The following CRYGS variants were observed in gnomAD, a reference collection of about 807,000 sequenced individuals.
The protein encoded by CRYGS is crystallin gamma S, also known as gamma-crystallin S.
Under a neutral mutation model 21.3 loss-of-function variants are expected in CRYGS, and 13 were observed. That is an observed-to-expected ratio of 0.61 (90% CI 0.40 to 0.97). The LOEUF (loss-of-function observed/expected upper bound fraction) is 0.97. Ranked by LOEUF, CRYGS falls within the 50% of genes least tolerant of loss-of-function variation. The probability of loss-of-function intolerance (pLI) is 0.00; values close to 1 mark genes in which losing one functional copy is unlikely to be tolerated. For missense variants in CRYGS, 205 were observed against 229.7 expected (o/e 0.89, Z 0.69); for synonymous variants, 67 against 75.0 (o/e 0.89, Z 0.55).
chr3:186,541,755 A>G (rs754421429), intron 1 of CRYGS, among the ~76,000 whole-genome samples: 3 of 152,244 alleles, frequency 2.0e-5, no homozygotes, highest in Non-Finnish European at 4.4e-5. Context: ...GGTGGGCTGC[A>G]GTGCAAAACT....
At chr3:186,539,002 A>G in intron 2 of CRYGS, 34 bp from the exon 3 acceptor site, 1 of 1,611,480 alleles carries the variant, frequency 6.2e-7, no homozygotes, top group Non-Finnish European at 8.5e-7. Flanking sequence ...AACAGAAACC[A>G]TTATGGAAAT....
chr3:186,542,191 C>T (rs1277521081), intron 1 of CRYGS, among the ~76,000 whole-genome samples: 2 of 152,220 alleles, frequency 1.3e-5, no homozygotes, highest in Non-Finnish European at 2.9e-5. Context: ...TGTCCACCCT[C>T]CCAGGAGACC....
intron 1 of CRYGS, chr3:186,540,422 A>C (rs977405517): frequency 6.6e-5 from 10 of 152,226 alleles, no homozygotes; most frequent in African/African-American, 2.2e-4. Context: ...GCAGACTGGA[A>C]GTTCTGGCTT....
intron 1 of CRYGS, chr3:186,540,797 G>C: frequency 3.6e-5 from 26 of 717,236 alleles, no homozygotes; most frequent in Non-Finnish European, 4.4e-5. Context: ...TTTGAGCTGA[G>C]CATTGAAGGA....
In CRYGS at chr3:186,538,515, G is replaced by A. The variant is rs747124187; in HGVS notation, c.*181C>T. ...TCTAGATTGGTGATCTGGCAGATGG[G>A]TAGCTTTGTGTGACTGCCCACTGTG... On this transcript the variant is annotated 3_prime_UTR_variant, in exon 3 of 3. Transcript: ENST00000307944. 25 of 690,420 alleles carry A rather than the reference G, an allele frequency of 3.6e-5. No homozygotes were observed. The highest frequency in any genetic ancestry group is 9.0e-5 in the African/African-American group (5 of 55,744). The allele number at this position is 690,420 out of a possible 1,614,324, so 42.8% of individuals were successfully genotyped here. A position where few individuals can be genotyped will look rare whatever the true frequency, so the allele number is the denominator to read the frequency against.
At chr3:186,543,542 C>T (rs1253041845) in intron 1 of CRYGS, among the ~76,000 whole-genome samples, 3 of 152,064 alleles carry the variant, frequency 2.0e-5, no homozygotes, top group Non-Finnish European at 4.4e-5. Context: ...CCAAATATGG[C>T]AAAATGTCAA....
chr3:186,542,425 G>A (rs1466230353), intron 1 of CRYGS, among the ~76,000 whole-genome samples: 1 of 152,152 alleles, frequency 6.6e-6, no homozygotes, highest in East Asian at 1.9e-4. Context: ...TTGTAGAGAA[G>A]GCTAAAGAAA....
At chr3:186,543,471 A>G (rs912223914) in intron 1 of CRYGS, among the ~76,000 whole-genome samples, 9 of 152,230 alleles carry the variant, frequency 5.9e-5, no homozygotes, top group African/African-American at 2.2e-4. Flanking sequence ...AGGCAAAAGT[A>G]TAATAAAATC....
At chr3:186,540,942 TAGAA>T (rs1282304807) in intron 1 of CRYGS, 1 of 152,406 alleles carries the variant, frequency 6.6e-6, no homozygotes, top group Non-Finnish European at 1.5e-5. Context: ...GGTGAAGTAC[TAGAA>T]AATAAAGCCA....
chr3:186,538,608 T>C lies in CRYGS; in HGVS notation c.*88A>G, dbSNP rs1713980959. On this transcript the variant is annotated 3_prime_UTR_variant, in exon 3 of 3. Transcript: ENST00000307944. ...GCATTATAGTCAGCAGTGGGATGCA[T>C]GCCAACTGTTTTATTGATGATGCCT... 4 of 1,546,060 alleles carry C rather than the reference T, an allele frequency of 2.6e-6. No homozygotes were observed. Among genetic ancestry groups the C allele is most frequent in the Non-Finnish European group, 3.6e-6 (4 of 1,121,274 alleles).
chr3:186,540,722 G>C, intron 1 of CRYGS: 1 of 976,524 alleles, frequency 1.0e-6, no homozygotes, highest in South Asian at 4.7e-5. Context: ...TGGATTTCAC[G>C]GGCGAAAACT....
At chr3:186,541,725 A>T (rs1714072758) in intron 1 of CRYGS, among the ~76,000 whole-genome samples, 1 of 152,240 alleles carries the variant, frequency 6.6e-6, no homozygotes, top group Non-Finnish European at 1.5e-5. Flanking sequence ...ACCTAGTTAC[A>T]AGTTAGTTGC....
At chr3:186,544,185 A>C (rs570046633) in intron 1 of CRYGS, 121 bp downstream of exon 1, 1 of 775,108 alleles carries the variant, frequency 1.3e-6, no homozygotes, top group South Asian at 1.4e-5. Context: ...CTTCTCTCTC[A>C]ATCCCAGTTC....
intron 1 of CRYGS, 60 bp downstream of exon 1, chr3:186,544,246 T>C: frequency 3.4e-6 from 4 of 1,172,960 alleles, no homozygotes; most frequent in Non-Finnish European, 3.9e-6. Flanking sequence ...AGCTTTTCTG[T>C]GTGTTGAATG....
At chr3:186,541,776 AAACTATTGTTCAC>A (rs1386042014) in intron 1 of CRYGS, among the ~76,000 whole-genome samples, 1 of 152,204 alleles carries the variant, frequency 6.6e-6, no homozygotes, top group Non-Finnish European at 1.5e-5. Context: ...CCTGGTGAGT[AAACTATTGTTCAC>A]TTTATTTTCC....
chr3:186,541,527 C>G (rs1214270190), intron 1 of CRYGS, among the ~76,000 whole-genome samples: 1 of 152,192 alleles, frequency 6.6e-6, no homozygotes, highest in African/African-American at 2.4e-5. Context: ...TTGGACAGGG[C>G]AATGAACCTT....
Position 186,538,967 on chromosome 3 carries a change from G to A in CRYGS, c.266C>T (p.Pro89Leu), listed in dbSNP as rs772036677. 5.6e-6 allele frequency: 9 copies of A among 1,613,758 alleles called. No individual in the cohort carries two copies. The highest frequency in any genetic ancestry group is 5.0e-5 in the Admixed American group (3 of 59,986). The change falls in exon 3 of 3, where the codon CCT (proline) becomes CTT (leucine). Residue 89 changes from proline to leucine, a missense_variant and splice_region_variant. Physicochemically the swap from Pro to Leu is moderately conservative, Grantham distance 98. Coordinates refer to ENST00000307944, the MANE Select transcript of CRYGS (RefSeq NM_017541.4). The stretch of plus-strand genomic sequence containing the variant: ...CTGAATCTTATACTGGCCTCCACTA[G>A]GCTGAAAAGACACAGGAGAAAATGA... ...RLSSCRAVHLPSGGQYKIQIF... is the reference protein window; with the variant it reads ...RLSSCRAVHLLSGGQYKIQIF...
At chr3:186,544,157 T>TA (rs1714134643) in intron 1 of CRYGS, 149 bp downstream of exon 1, 2 of 713,386 alleles carry the variant, frequency 2.8e-6, no homozygotes, top group South Asian at 3.0e-5. Flanking sequence ...GTGGAAAATA[T>TA]AATAAGCATT....
At chr3:186,539,955 C>T in intron 1 of CRYGS, 1 of 276,184 alleles carries the variant, frequency 3.6e-6, no homozygotes, top group Non-Finnish European at 7.1e-6. Flanking sequence ...AGAATCCTAG[C>T]ATACTTTTTC....
Sources: gnomAD v4.1 joint callset for allele counts (sites outside exome capture counted in the v4.1 genomes callset) on GRCh38, gnomAD v4.1.1 for gene constraint, MANE v1.5 for transcripts, NCBI Gene and HGNC (gene_info 2026-07-23, HGNC 2026-07-21) for gene names.